Variants in CNTLN observed in about 807,000 individuals in gnomAD.
CNTLN encodes the protein centlein, centrosomal protein.
Under a neutral mutation model 180.0 loss-of-function variants are expected in CNTLN, and 212 were observed. The ratio of observed to expected loss-of-function variants is 1.18; its 90% confidence interval spans 1.05 to 1.32. The LOEUF (loss-of-function observed/expected upper bound fraction) is 1.32, where lower values mean the gene tolerates loss of function less well. CNTLN is among the 40% of genes most tolerant of loss of function. The probability of loss-of-function intolerance (pLI) is 0.00; values close to 1 mark genes in which losing one functional copy is unlikely to be tolerated. For synonymous variants in CNTLN, 722 were observed against 563.1 expected (o/e 1.28, Z -3.99); for missense variants, 2,095 against 1,610.9 (o/e 1.30, Z -5.14).
chr9:17,335,077 G>A (rs920833519), intron 10 of CNTLN, among the ~76,000 whole-genome samples: 3 of 152,172 alleles, frequency 2.0e-5, no homozygotes, highest in African/African-American at 7.2e-5. Context: ...CAGCTTGAAG[G>A]CAGGCAGAGA....
intron 2 of CNTLN, among the ~76,000 whole-genome samples, chr9:17,198,647 T>C (rs1822302892): frequency 6.6e-6 from 1 of 151,838 alleles, no homozygotes; most frequent in African/African-American, 2.4e-5. Flanking sequence ...ATATGCAGGT[T>C]TGTTACATAG....
At chr9:17,196,111 C>A (rs1174885671) in intron 2 of CNTLN, among the ~76,000 whole-genome samples, 2 of 152,074 alleles carry the variant, frequency 1.3e-5, no homozygotes, top group Non-Finnish European at 2.9e-5. Context: ...GTAACCTCCG[C>A]CTCCCAGGTT....
chr9:17,510,330 A>C, the CNTLN span, among the ~76,000 whole-genome samples: 1 of 152,190 alleles, frequency 6.6e-6, no homozygotes, highest in South Asian at 2.1e-4. Context: ...TGAGAAATAC[A>C]TTTATCTGAG....
At chr9:17,339,297 T>C (rs1286404847) in intron 10 of CNTLN, among the ~76,000 whole-genome samples, 1 of 152,196 alleles carries the variant, frequency 6.6e-6, no homozygotes, top group Non-Finnish European at 1.5e-5. Context: ...ATTATCTCAC[T>C]GTTTAGATGA....
intron 12 of CNTLN, among the ~76,000 whole-genome samples, chr9:17,362,091 A>G (rs1466638289): frequency 6.6e-6 from 1 of 152,254 alleles, no homozygotes; most frequent in African/African-American, 2.4e-5. Context: ...TATTAAAAGT[A>G]GGGACTGTGT....
intron 23 of CNTLN, among the ~76,000 whole-genome samples, chr9:17,475,279 A>G (rs947424218): frequency 6.6e-6 from 1 of 152,122 alleles, no homozygotes; most frequent in African/African-American, 2.4e-5. Context: ...GCAGTATTAG[A>G]AATGGGGGTA....
the CNTLN span, among the ~76,000 whole-genome samples, chr9:17,522,181 C>A: frequency 6.6e-6 from 1 of 152,144 alleles, no homozygotes; most frequent in African/African-American, 2.4e-5. Flanking sequence ...GGTAATAATA[C>A]ATGGACGTGG....
At chr9:17,342,743 G>A (rs747671916) in intron 12 of CNTLN, among the ~76,000 whole-genome samples, 7 of 152,108 alleles carry the variant, frequency 4.6e-5, no homozygotes, top group African/African-American at 9.7e-5. Context: ...AGACGCTGCC[G>A]TGCTTCATTT....
At position 17,366,619 on chromosome 9, in the gene CNTLN, T is replaced by C; in HGVS notation, c.1889T>C (p.Met630Thr). 1.4e-6 allele frequency: 2 copies of C among 1,464,270 alleles called. No homozygotes were observed. The highest frequency in any genetic ancestry group is 1.8e-5 in the Admixed American group (1 of 56,044). 90.7% of individuals were successfully genotyped at this position (1,464,270 alleles called of 1,614,324 possible). A position where few individuals can be genotyped will look rare whatever the true frequency, so the allele number is the denominator to read the frequency against. The change falls in exon 13 of 26, where the codon ATG (methionine) becomes ACG (threonine). Residue 630 changes from methionine (M) to threonine (T), a missense_variant and splice_region_variant. Physicochemically the swap from Met to Thr is moderately conservative, Grantham distance 81 (BLOSUM62 -1). Coordinates refer to ENST00000380647, the MANE Select transcript of CNTLN (RefSeq NM_017738.4). ...AAATGTTTATTGCTTTTTCATAGGA[T>C]GAATCTTGAAGAAGAATTAGATGAA... The part of the protein sequence containing the change: ...RENQELMIQK[M>T]NLEEELDELK...
intron 16 of CNTLN, among the ~76,000 whole-genome samples, chr9:17,411,326 A>G (rs1416414614): frequency 6.6e-6 from 1 of 152,192 alleles, no homozygotes; most frequent in East Asian, 1.9e-4. Context: ...TTACACAGTA[A>G]GTGTCCTACT....
chr9:17,178,187 G>C (rs139950637), intron 2 of CNTLN, among the ~76,000 whole-genome samples: 6 of 152,106 alleles, frequency 3.9e-5, no homozygotes, highest in Middle Eastern at 3.4e-3. Context: ...ACGGAGTGTC[G>C]ATTGGTGCAT....
At chr9:17,183,902 C>G (rs1026580940) in intron 2 of CNTLN, among the ~76,000 whole-genome samples, 1 of 151,904 alleles carries the variant, frequency 6.6e-6, no homozygotes, top group East Asian at 1.9e-4. Flanking sequence ...GTTATATTCA[C>G]CAGATAAGAA....
chr9:17,185,464 G>A (rs540515878), intron 2 of CNTLN, among the ~76,000 whole-genome samples: 4 of 152,146 alleles, frequency 2.6e-5, no homozygotes, highest in African/African-American at 9.7e-5. Flanking sequence ...CACAGCAAAC[G>A]TTTTCTTTTT....
At chr9:17,353,197 C>G (rs1450015317) in intron 12 of CNTLN, among the ~76,000 whole-genome samples, 1 of 151,986 alleles carries the variant, frequency 6.6e-6, no homozygotes, top group Non-Finnish European at 1.5e-5. Flanking sequence ...CTCAAGCGAT[C>G]CTCCCATGTC....
At chr9:17,303,876 A>G (rs1191611853) in intron 7 of CNTLN, among the ~76,000 whole-genome samples, 1 of 152,174 alleles carries the variant, frequency 6.6e-6, no homozygotes, top group Non-Finnish European at 1.5e-5. Flanking sequence ...GGTGAGTTGA[A>G]TTAAAAGTAT....
chr9:17,254,658 T>C (rs1316557530), intron 5 of CNTLN, among the ~76,000 whole-genome samples: 1 of 151,640 alleles, frequency 6.6e-6, no homozygotes, highest in Non-Finnish European at 1.5e-5. Context: ...TCTGTATATC[T>C]GTATGTCAGT....
chr9:17,271,060 C>T (rs1827908123), intron 5 of CNTLN, among the ~76,000 whole-genome samples: 1 of 149,976 alleles, frequency 6.7e-6, no homozygotes, highest in Non-Finnish European at 1.5e-5. Context: ...ACACCATTCT[C>T]CTGCCTCAGC....
intron 8 of CNTLN, among the ~76,000 whole-genome samples, chr9:17,313,168 A>G (rs1254078100): frequency 6.6e-6 from 1 of 152,146 alleles, no homozygotes; most frequent in Non-Finnish European, 1.5e-5. Context: ...TGCATAGTAT[A>G]ACTTTCTCAT....
chr9:17,308,190 A>G (rs1240386293), intron 7 of CNTLN, among the ~76,000 whole-genome samples: 1 of 152,198 alleles, frequency 6.6e-6, no homozygotes, highest in Non-Finnish European at 1.5e-5. Flanking sequence ...TACTGTCTGT[A>G]TGATAGCACT....
Sources: allele counts gnomAD v4.1 joint callset (sites outside exome capture counted in the v4.1 genomes callset), GRCh38; gene constraint gnomAD v4.1.1; transcripts MANE v1.5; gene names NCBI Gene and HGNC (gene_info 2026-07-23, HGNC 2026-07-21).